Variants in MICALL1 observed in about 807,000 individuals in gnomAD.
The protein encoded by MICALL1 is MICAL-like protein 1.
Under a neutral mutation model 83.7 loss-of-function variants are expected in MICALL1, and 61 were observed. The observed-to-expected ratio is 0.73, with a 90% CI of 0.59 to 0.90. The LOEUF (loss-of-function observed/expected upper bound fraction) is 0.90, where lower values mean the gene tolerates loss of function less well. Ranked by LOEUF, MICALL1 falls within the 40% of genes least tolerant of loss-of-function variation. The pLI is 0.00. For synonymous variants in MICALL1, 481 were observed against 473.6 expected, an observed-to-expected ratio of 1.02 and a Z score of -0.20; for missense variants, 1,066 against 1,152.0, an observed-to-expected ratio of 0.93 and a Z score of 1.08.
intron 13 of MICALL1, among the ~76,000 whole-genome samples, chr22:37,933,811 AT>A (rs1929934776): frequency 6.6e-6 from 1 of 152,174 alleles, no homozygotes; most frequent in African/African-American, 2.4e-5. Context: ...ATCTTGACAG[AT>A]GGGAAGTGGA....
Position 37,932,550 on chromosome 22 carries a change from C to T in MICALL1, c.2017-3C>T, listed in dbSNP as rs769275730. 6.2e-7 allele frequency: 1 copy of T among 1,613,766 alleles called. No individual in the cohort carries two copies. Among genetic ancestry groups the T allele is most frequent in the African/African-American group, 1.3e-5 (1 of 75,060 alleles). On this transcript the variant is annotated splice_region_variant and splice_polypyrimidine_tract_variant and intron_variant, in intron 10 of 15. Transcript: ENST00000215957. This position sits in a 1 kb window ranked among gnomAD's most constrained non-coding sequence, Gnocchi z 4.4. ...CGTCAGGTGACCAGGCACTGTTGGG[C>T]AGGTCCAGGCTGACCAGTACATCCC...
rs775532165 is a variant in MICALL1 at position 37,932,708 on chromosome 22, G to C, written c.2143+29G>C. On this transcript the variant is annotated intron_variant, in intron 11 of 15. Coordinates refer to ENST00000215957, the MANE Select transcript of MICALL1 (RefSeq NM_033386.4). The surrounding 1 kb of genome is among the most constrained non-coding windows in gnomAD (Gnocchi z 4.4). ...CGGGAGCGGCTGGGAGGGCCTGCTG[G>C]GTGGGGCTGGGGGCAGGAGCCTCTA... 1 of 1,612,240 alleles carries C rather than the reference G, an allele frequency of 6.2e-7. No homozygotes were observed. The highest frequency in any genetic ancestry group is 2.2e-5 in the East Asian group (1 of 44,808).
chr22:37,922,610 T>A (rs1216497106), intron 6 of MICALL1, among the ~76,000 whole-genome samples, 184 bp downstream of exon 6: 8 of 104,358 alleles, frequency 7.7e-5, no homozygotes, highest in Non-Finnish European at 1.2e-4. Context: ...TATTTTTTTT[T>A]TTTTTTTTTT....
intron 5 of MICALL1, among the ~76,000 whole-genome samples, chr22:37,919,876 C>T (rs1928917810): frequency 6.6e-6 from 1 of 151,826 alleles, no homozygotes; most frequent in Non-Finnish European, 1.5e-5. Flanking sequence ...GTAATCCCGG[C>T]TACTCGGGAA....
intron 9 of MICALL1, among the ~76,000 whole-genome samples, chr22:37,928,407 CG>C (rs1271894448): frequency 6.6e-6 from 1 of 152,118 alleles, no homozygotes; most frequent in Non-Finnish European, 1.5e-5. Flanking sequence ...GGGGTTTCAC[CG>C]TGTTAGCCAA....
intron 2 of MICALL1, 41 bp downstream of exon 2, chr22:37,912,041 ATGTGTGTG>A (rs3041723): frequency 4.0e-5 from 60 of 1,515,420 alleles, no homozygotes; most frequent in Non-Finnish European, 4.9e-5. Context: ...GGCTCTGTGT[ATGTGTGTG>A]TGTGTGTGTG....
At position 37,926,035 on chromosome 22, in the gene MICALL1, C is replaced by T. The variant is rs1480880886; in HGVS notation, c.1457C>T (p.Ser486Phe). 1 of 1,598,302 alleles carries T rather than the reference C, an allele frequency of 6.3e-7. No individual in the cohort carries two copies. Among genetic ancestry groups the T allele is most frequent in the Non-Finnish European group, 8.5e-7 (1 of 1,170,634 alleles). ...CCTGCCCCGCGCGCACCCAGCGCGT[C>T]CCCACTGGGTGAGTGCCTTTCCTGG... ...KRPAPRAPSA[S>F]PLALHASRLS... Residue 486 changes from serine to phenylalanine, a missense_variant, in exon 8 of 16, where the codon TCC (serine) becomes TTC (phenylalanine). Coordinates refer to ENST00000215957, the MANE Select transcript of MICALL1 (RefSeq NM_033386.4).
Position 37,927,692 on chromosome 22 carries a change from C to T in MICALL1, c.1747C>T (p.Pro583Ser). 1 of 1,614,162 alleles carries T rather than the reference C, an allele frequency of 6.2e-7. No homozygotes were observed. The highest frequency in any genetic ancestry group is 1.3e-5 in the African/African-American group (1 of 75,042). Residue 583 changes from proline to serine, a missense_variant, in exon 9 of 16, where the codon CCC (proline) becomes TCC (serine). Physicochemically the swap from Pro to Ser is moderately conservative, Grantham distance 74. Transcript: ENST00000215957. ...GCCTCAAGCCAGCCCTGGCCTTGCC[C>T]CCAGGACCAGGGGCAGCTCAGGTCC... ...QMPQASPGLA[P>S]RTRGSSGPQP...
At chr22:37,917,037 G>C (rs189873267) in intron 3 of MICALL1, among the ~76,000 whole-genome samples, 2 of 152,148 alleles carry the variant, frequency 1.3e-5, no homozygotes, top group East Asian at 3.9e-4. Flanking sequence ...ATGTCCAGCT[G>C]ATTTTTGTAT....
intron 13 of MICALL1, among the ~76,000 whole-genome samples, chr22:37,933,430 G>A (rs1402635390): frequency 1.3e-5 from 2 of 152,160 alleles, no homozygotes; most frequent in Admixed American, 6.5e-5. Flanking sequence ...TGTTTTGTGC[G>A]TGGGTCAGAC....
intron 4 of MICALL1, among the ~76,000 whole-genome samples, chr22:37,918,132 C>T (rs1405440145): frequency 1.3e-5 from 2 of 152,204 alleles, no homozygotes; most frequent in Non-Finnish European, 2.9e-5. Flanking sequence ...GAGTTACACA[C>T]GTAGTAAAGC....
At chr22:37,940,505 G>A (rs192027840) in intron 15 of MICALL1, among the ~76,000 whole-genome samples, 3 of 152,142 alleles carry the variant, frequency 2.0e-5, no homozygotes, top group Non-Finnish European at 4.4e-5. Flanking sequence ...GAGGTGGGGA[G>A]GGGGAGGATG....
chr22:37,919,114 C>T lies in MICALL1; in HGVS notation c.505C>T (p.Gln169Ter). 1 of 1,551,760 alleles carries T rather than the reference C, an allele frequency of 6.4e-7. No individual in the cohort carries two copies. Among genetic ancestry groups the T allele is most frequent in the Non-Finnish European group, 8.7e-7 (1 of 1,147,470 alleles). ...TPSSTCAACQ[Q>*]HVHLVQRYLA... The stretch of plus-strand genomic sequence containing the variant: ...CAGCAGCACGTGCGCAGCCTGCCAG[C>T]AGCATGTGCACTTGGTGCAGCGCTA... Residue 169 changes from glutamine to a stop codon, truncating the protein, a stop_gained, in exon 5 of 16, where the codon CAG becomes TAG. Transcript: ENST00000215957. LOFTEE classifies it high-confidence loss of function.
At chr22:37,914,968 G>GA (rs1928585236) in intron 3 of MICALL1, among the ~76,000 whole-genome samples, 1 of 144,344 alleles carries the variant, frequency 6.9e-6, no homozygotes, top group Admixed American at 6.9e-5. Flanking sequence ...AGGAAAAAAA[G>GA]AAAAAATAGC....
chr22:37,923,953 C>T (rs1002268543), intron 6 of MICALL1, among the ~76,000 whole-genome samples: 6 of 152,244 alleles, frequency 3.9e-5, no homozygotes, highest in Middle Eastern at 3.4e-3. Context: ...GGTGCATTCT[C>T]CCCCAACCCC....
chr22:37,940,835 A>G lies in MICALL1; in HGVS notation c.*5A>G. 6.2e-7 allele frequency: 1 copy of G among 1,613,622 alleles called. No individual in the cohort carries two copies. Among genetic ancestry groups the G allele is most frequent in the Non-Finnish European group, 8.5e-7 (1 of 1,179,646 alleles). Reference sequence around the variant, plus strand: ...TCCCCCAGAGACAAGAGCTAACAGCACGAGAAGCCAGTTGGGGACTGCCCC... The same window carrying G: ...TCCCCCAGAGACAAGAGCTAACAGCGCGAGAAGCCAGTTGGGGACTGCCCC... On this transcript the variant is annotated 3_prime_UTR_variant, in exon 16 of 16. Transcript: ENST00000215957.
At chr22:37,939,490 T>C (rs1930312007) in intron 15 of MICALL1, among the ~76,000 whole-genome samples, 1 of 151,864 alleles carries the variant, frequency 6.6e-6, no homozygotes, top group Non-Finnish European at 1.5e-5. Flanking sequence ...TAAAGATAAA[T>C]GGGGGCCAGG....
At chr22:37,912,770 T>A (rs771460150) in intron 3 of MICALL1, among the ~76,000 whole-genome samples, 11 of 145,252 alleles carry the variant, frequency 7.6e-5, no homozygotes, top group Non-Finnish European at 1.3e-4. Context: ...GGGTTTAACC[T>A]CCTGCCTCAG....
intron 5 of MICALL1, among the ~76,000 whole-genome samples, chr22:37,920,598 G>A (rs1178160924): frequency 6.6e-6 from 1 of 150,748 alleles, no homozygotes; most frequent in Non-Finnish European, 1.5e-5. Flanking sequence ...GCAACATAAT[G>A]AGACTTCATC....
Sources: allele counts gnomAD v4.1 joint callset (sites outside exome capture counted in the v4.1 genomes callset), GRCh38; gene constraint gnomAD v4.1.1; non-coding constraint Gnocchi (gnomAD v3.1); transcripts MANE v1.5; gene names NCBI Gene and HGNC (gene_info 2026-07-23, HGNC 2026-07-21).